Variants in PEX5L observed in about 807,000 individuals in gnomAD.
PEX5L encodes the protein peroxisomal biogenesis factor 5 like.
A neutral mutation model predicts 84.0 loss-of-function variants in PEX5L; 30 were observed. That is an observed-to-expected ratio of 0.36 (90% CI 0.27 to 0.48). The LOEUF (loss-of-function observed/expected upper bound fraction) is 0.48. PEX5L is among the 20% of genes least tolerant of loss of function. The pLI, the probability that PEX5L is intolerant of heterozygous loss-of-function variation, is 0.99. For missense variants in PEX5L, 533 were observed against 754.6 expected, an observed-to-expected ratio of 0.71 and a Z score of 3.44; for synonymous variants, 270 against 283.1, an observed-to-expected ratio of 0.95 and a Z score of 0.46.
chr3:179,903,012 C>G (rs1158669910), intron 2 of PEX5L, among the ~76,000 whole-genome samples: 2 of 151,810 alleles, frequency 1.3e-5, no homozygotes, highest in Non-Finnish European at 2.9e-5. Context: ...AAAAACAGAA[C>G]TAGGAAAACA....
At chr3:179,808,033 T>C (rs1048730135) in intron 13 of PEX5L, among the ~76,000 whole-genome samples, 1 of 152,234 alleles carries the variant, frequency 6.6e-6, no homozygotes, top group Non-Finnish European at 1.5e-5. Context: ...CAGCTACCAT[T>C]TGATGTTGTC....
intron 8 of PEX5L, among the ~76,000 whole-genome samples, chr3:179,824,887 C>G (rs1465797248): frequency 6.6e-6 from 1 of 152,188 alleles, no homozygotes; most frequent in African/African-American, 2.4e-5. Flanking sequence ...CCAACGGTAA[C>G]TGAGTGTTTC....
chr3:179,929,844 C>A (rs1356964913), intron 2 of PEX5L, among the ~76,000 whole-genome samples: 1 of 152,194 alleles, frequency 6.6e-6, no homozygotes, highest in Non-Finnish European at 1.5e-5. Context: ...CGGTGACCTG[C>A]GTAGACCTAT....
At chr3:180,010,907 A>C (rs1789411444) in intron 1 of PEX5L, among the ~76,000 whole-genome samples, 1 of 152,126 alleles carries the variant, frequency 6.6e-6, no homozygotes, top group African/African-American at 2.4e-5. Context: ...AATCTCACCT[A>C]TGAAATGAGT....
At chr3:179,807,188 T>A (rs1278188873) in intron 14 of PEX5L, among the ~76,000 whole-genome samples, 1 of 152,106 alleles carries the variant, frequency 6.6e-6, no homozygotes, top group Non-Finnish European at 1.5e-5. Context: ...ACTAACTTGA[T>A]TGGTATATTA....
At chr3:179,859,624 C>G (rs1397813801) in intron 7 of PEX5L, among the ~76,000 whole-genome samples, 1 of 152,170 alleles carries the variant, frequency 6.6e-6, no homozygotes, top group African/African-American at 2.4e-5. Flanking sequence ...GGCTTCCAGG[C>G]CTTTCTCCGT....
Position 180,011,588 on chromosome 3 carries a change from G to T in PEX5L, c.21+24991C>A, listed in dbSNP as rs1789493087. Among the ~76,000 whole-genome samples, 3 of 152,074 alleles carry T rather than the reference G, an allele frequency of 2.0e-5. No individual in the cohort carries two copies. In the South Asian group the frequency reaches 6.2e-4, roughly 32 times the overall value. ...AAAAAATTTAAAAACGTGGAAAAAA[G>T]GAGCATTTTTAGTAGGTCTTTGTGA... On this transcript the variant is annotated intron_variant, in intron 1 of 14. Coordinates refer to ENST00000467460, the MANE Select transcript of PEX5L (RefSeq NM_016559.3).
rs1363459686 is a variant in PEX5L, at chr3:180,017,963, T to C, written c.21+18616A>G. Among the ~76,000 whole-genome samples the C allele has an allele frequency of 2.6e-5, 4 of 152,194 alleles. No individual in the cohort carries two copies. The East Asian group carries it at 7.7e-4, about 29-fold the overall frequency. On this transcript the variant is annotated intron_variant, in intron 1 of 14. Transcript: ENST00000467460. ...CAGATATGCTGAAGAGATCTATTTC[T>C]TATTCTGCTCTGTGTTTCTCAGATT...
At chr3:179,853,941 A>G (rs1390305992) in intron 8 of PEX5L, among the ~76,000 whole-genome samples, 1 of 150,770 alleles carries the variant, frequency 6.6e-6, no homozygotes, top group Non-Finnish European at 1.5e-5. Flanking sequence ...CCTCCTGAGT[A>G]TCTGGGATGA....
chr3:180,026,303 C>A (rs574283315), intron 1 of PEX5L, among the ~76,000 whole-genome samples: 7 of 152,126 alleles, frequency 4.6e-5, no homozygotes, highest in African/African-American at 1.7e-4. Context: ...AATCTTTCCT[C>A]AAGCTTAAGA....
chr3:179,867,038 A>G (rs1053663893), intron 7 of PEX5L, among the ~76,000 whole-genome samples: 1 of 150,294 alleles, frequency 6.7e-6, no homozygotes, highest in African/African-American at 2.5e-5. Context: ...AAAAAAAAAA[A>G]AAAGAAAAAA....
At chr3:180,030,974 G>T (rs1791403102) in intron 1 of PEX5L, among the ~76,000 whole-genome samples, 1 of 150,446 alleles carries the variant, frequency 6.6e-6, no homozygotes, top group South Asian at 2.1e-4. Context: ...ATCTAAATGA[G>T]CTCATTATTT....
intron 8 of PEX5L, among the ~76,000 whole-genome samples, chr3:179,833,161 C>T (rs543512459): frequency 6.6e-6 from 1 of 152,248 alleles, no homozygotes; most frequent in African/African-American, 2.4e-5. Context: ...TGGGTTTAGC[C>T]TGTATGATTA....
At chr3:180,033,280 G>A (rs1791617442) in intron 1 of PEX5L, among the ~76,000 whole-genome samples, 1 of 152,140 alleles carries the variant, frequency 6.6e-6, no homozygotes, top group Admixed American at 6.5e-5. Flanking sequence ...AGAGGGTGTG[G>A]AATGATTCCC....
intron 1 of PEX5L, among the ~76,000 whole-genome samples, chr3:180,023,921 C>T (rs749555997): frequency 6.6e-6 from 1 of 151,892 alleles, no homozygotes; most frequent in Non-Finnish European, 1.5e-5. Flanking sequence ...CAAAGCCATG[C>T]CTATGGTTGT....
At chr3:179,890,860 C>T (rs967651245) in intron 3 of PEX5L, among the ~76,000 whole-genome samples, 2 of 151,684 alleles carry the variant, frequency 1.3e-5, no homozygotes, top group Admixed American at 1.3e-4. Flanking sequence ...TCAAGTAATT[C>T]TAAAAGTAAA....
intron 7 of PEX5L, among the ~76,000 whole-genome samples, chr3:179,867,238 A>T (rs932338718): frequency 6.6e-6 from 1 of 152,028 alleles, no homozygotes; most frequent in Non-Finnish European, 1.5e-5. Context: ...ACTAAAAACT[A>T]TTATTGAAAC....
At position 179,925,402 on chromosome 3, in the gene PEX5L, A is replaced by T. The variant is rs903583616; in HGVS notation, c.94-27156T>A. The stretch of plus-strand genomic sequence containing the variant: ...GAGTTTCTTTATGTCCATGCAAGTG[A>T]GCACAGATACTACACATATTTTTAT... On this transcript the variant is annotated intron_variant, in intron 2 of 14. Coordinates refer to ENST00000467460, the MANE Select transcript of PEX5L (RefSeq NM_016559.3). 3.9e-5 allele frequency among the ~76,000 whole-genome samples: 6 copies of T among 152,220 alleles called. No homozygotes were observed. The South Asian group carries it at 1.2e-3, about 32-fold the overall frequency.
intron 2 of PEX5L, among the ~76,000 whole-genome samples, chr3:179,941,122 G>A (rs1578735074): frequency 6.6e-6 from 1 of 152,288 alleles, no homozygotes; most frequent in Admixed American, 6.5e-5. Context: ...GAAGGGTGGG[G>A]CACAAGATTA....
Sources: gnomAD v4.1 joint callset for allele counts (sites outside exome capture counted in the v4.1 genomes callset) on GRCh38, gnomAD v4.1.1 for gene constraint, MANE v1.5 for transcripts, NCBI Gene and HGNC (gene_info 2026-07-23, HGNC 2026-07-21) for gene names.